The following SSH3 variants were observed in gnomAD, a reference collection of about 807,000 sequenced individuals.
SSH3 encodes the protein slingshot protein phosphatase 3, also known as protein phosphatase Slingshot homolog 3.
A neutral mutation model predicts 75.0 loss-of-function variants in SSH3; 67 were observed. The ratio of observed to expected loss-of-function variants is 0.89; its 90% CI spans 0.73 to 1.10. The LOEUF (loss-of-function observed/expected upper bound fraction) is 1.10. Among genes scored for constraint, SSH3 ranks in the 50% least tolerant of loss-of-function variants. SSH3 has a pLI of 0.00. For missense variants in SSH3, 824 were observed against 872.7 expected, an observed-to-expected ratio of 0.94 and a Z score of 0.70; for synonymous variants, 318 against 349.2, an observed-to-expected ratio of 0.91 and a Z score of 1.00.
In SSH3 at chr11:67,312,084, G is replaced by A; in HGVS notation, c.*197G>A. The A allele has an allele frequency of 1.4e-6, 1 of 720,868 alleles. No homozygotes were observed. The highest frequency in any genetic ancestry group is 2.0e-5 in the South Asian group (1 of 49,394). 44.7% of individuals were successfully genotyped at this position (720,868 alleles called of 1,614,324 possible). A position where few individuals can be genotyped will look rare whatever the true frequency, so the allele number is the denominator to read the frequency against. ...ACAGCCTCACCTCCTACAGCCTTAAGTCCCAGGCCCATGTCTGCCTGTCCA... is the reference window on the plus strand; with the variant it reads ...ACAGCCTCACCTCCTACAGCCTTAAATCCCAGGCCCATGTCTGCCTGTCCA... On this transcript the variant is annotated 3_prime_UTR_variant, in exon 14 of 14. Transcript: ENST00000308127.
rs1456795828 is a variant in SSH3, at chr11:67,307,856, C to T, written c.802C>T (p.Gln268Ter). The change falls in exon 8 of 14, where the codon CAG becomes TAG. Residue 268 changes from glutamine (Q) to a stop codon, truncating the protein, a stop_gained. Coordinates refer to ENST00000308127, the MANE Select transcript of SSH3 (RefSeq NM_017857.4). LOFTEE classifies it high-confidence loss of function. This position sits in a 1 kb window ranked among gnomAD's most constrained non-coding sequence, Gnocchi z 4.2. ...GGGCTCTGCTCCCAGGTCCTCAGAA[C>T]AGGAGCAGATGGAGCAGGCGATCCG... ...PSAEPGGSSE[Q>*]EQMEQAIRAE... is the part of the protein sequence containing the mutation. The T allele has an allele frequency of 1.9e-6, 3 of 1,614,096 alleles. No individual in the cohort carries two copies. The highest frequency in any genetic ancestry group is 1.7e-5 in the Admixed American group (1 of 60,010).
At position 67,304,793 on chromosome 11, in the gene SSH3, G is replaced by T. The variant is rs761247607; in HGVS notation, c.125G>T (p.Arg42Leu). 3.2e-5 allele frequency: 52 copies of T among 1,608,746 alleles called. No individual in the cohort carries two copies. Among genetic ancestry groups the T allele is most frequent in the Admixed American group, 1.9e-4 (11 of 58,890 alleles). Residue 42 changes from arginine to leucine, a missense_variant, in exon 3 of 14, where the codon CGT becomes CTT. Coordinates refer to ENST00000308127, the MANE Select transcript of SSH3 (RefSeq NM_017857.4). ...GCCAGGCAGAGCTTTGCGGTGCTCC[G>T]TGGGGCTGTCCTGGGACTGCAGGAT... ...LQRRQSFAVLRGAVLGLQDGG... is the reference protein window; with the variant it reads ...LQRRQSFAVLLGAVLGLQDGG...
intron 3 of SSH3, among the ~76,000 whole-genome samples, chr11:67,305,479 C>T (rs752231295): frequency 3.9e-5 from 6 of 152,300 alleles, no homozygotes; most frequent in South Asian, 2.1e-4. Context: ...TGAGCCACCG[C>T]GCCCGGCCTG....
At chr11:67,310,407 C>T in intron 13 of SSH3, 68 bp downstream of exon 13, 1 of 1,529,400 alleles carries the variant, frequency 6.5e-7, no homozygotes. Context: ...TGGGGAAAGA[C>T]CAGGATGGGC....
At position 67,310,354 on chromosome 11, in the gene SSH3, G is replaced by A. The variant is rs764448178; in HGVS notation, c.1683+15G>A. On this transcript the variant is annotated intron_variant, in intron 13 of 13. Transcript: ENST00000308127. ...ACATGCCAGAGGTGAGGCTGGGGCT[G>A]GGGGAGCTCAGCTTGCAGGGGTGGG... is the stretch of plus-strand genomic sequence containing the variant. 162 of 1,590,046 alleles carry A rather than the reference G, an allele frequency of 1.0e-4. No individual in the cohort carries two copies. The highest frequency in any genetic ancestry group is 2.6e-4 in the African/African-American group (19 of 74,170).
At position 67,308,159 on chromosome 11, in the gene SSH3, G is replaced by A. The variant is rs1391293832; in HGVS notation, c.886-15G>A. On this transcript the variant is annotated splice_polypyrimidine_tract_variant and intron_variant, in intron 8 of 13. Transcript: ENST00000308127. The surrounding 1 kb of genome is among the most constrained non-coding windows in gnomAD (Gnocchi z 4.9). Reference sequence around the variant, plus strand: ...GGAGAGCCCCAGCCTCTCTTGCCCTGGGCTCTGCCTGCAGATCCGCCAGGC... The same window carrying A: ...GGAGAGCCCCAGCCTCTCTTGCCCTAGGCTCTGCCTGCAGATCCGCCAGGC... 1.9e-6 allele frequency: 3 copies of A among 1,610,714 alleles called. No homozygotes were observed. The African/African-American group carries it at 4.0e-5, about 22-fold the overall frequency.
chr11:67,303,993 CTG>C, intron 1 of SSH3, 123 bp from the exon 2 acceptor site: 1 of 1,275,150 alleles, frequency 7.8e-7, no homozygotes, highest in Non-Finnish European at 1.1e-6. Flanking sequence ...GGGGCGTGGA[CTG>C]GGGTGGGAAG....
At chr11:67,305,066 T>A in intron 3 of SSH3, 59 bp downstream of exon 3, 1 of 1,504,412 alleles carries the variant, frequency 6.6e-7, no homozygotes, top group South Asian at 1.2e-5. Context: ...GAGGGCAGAA[T>A]GGAGCCCTGT....
rs34695471 is a variant in SSH3, at chr11:67,308,593, G to A, written c.1061+135G>A. Reference sequence around the variant, plus strand: ...TAGCTCTGCTTCTAACTCTGTCCTGGGGCTGTTGCCCTGGTGTGGGCTCCC... The same window carrying A: ...TAGCTCTGCTTCTAACTCTGTCCTGAGGCTGTTGCCCTGGTGTGGGCTCCC... On this transcript the variant is annotated intron_variant, in intron 10 of 13. Transcript: ENST00000308127. This position sits in a 1 kb window ranked among gnomAD's most constrained non-coding sequence, Gnocchi z 4.9. 68,371 of 1,316,620 alleles carry A rather than the reference G, an allele frequency of 0.052. 2,152 individuals are homozygous for A. Among genetic ancestry groups the A allele is most frequent in the Non-Finnish European group, 0.064 (61,580 of 958,476 alleles). 81.6% of individuals were successfully genotyped at this position (1,316,620 alleles called of 1,614,324 possible).
chr11:67,304,300 T>A, intron 2 of SSH3, 145 bp downstream of exon 2: 1 of 678,640 alleles, frequency 1.5e-6, no homozygotes, highest in Non-Finnish European at 2.4e-6. Flanking sequence ...GCGTTCCCGG[T>A]GGGGCCGGCT....
intron 1 of SSH3, 87 bp downstream of exon 1, chr11:67,303,778 A>C: frequency 4.5e-6 from 6 of 1,343,654 alleles, no homozygotes; most frequent in Non-Finnish European, 5.8e-6. Flanking sequence ...CTCCTCTCGA[A>C]CGGGGACATG....
chr11:67,308,774 C>T lies in SSH3; in HGVS notation c.1061+316C>T, dbSNP rs1273976882. Reference sequence around the variant, plus strand: ...TGCCTTGGACAAGCAGAAAAAGGCTCCTCTTGAATGCGCCTGTGGGCCCAG... The same window carrying T: ...TGCCTTGGACAAGCAGAAAAAGGCTTCTCTTGAATGCGCCTGTGGGCCCAG... On this transcript the variant is annotated intron_variant, in intron 10 of 13. Coordinates refer to ENST00000308127, the MANE Select transcript of SSH3 (RefSeq NM_017857.4). This position sits in a 1 kb window ranked among gnomAD's most constrained non-coding sequence, Gnocchi z 4.9. Among the ~76,000 whole-genome samples the T allele has an allele frequency of 6.6e-6, 1 of 151,954 alleles. No homozygotes were observed. Among genetic ancestry groups the T allele is most frequent in the African/African-American group, 2.4e-5 (1 of 41,356 alleles).
rs530019116 is a variant in SSH3, at chr11:67,303,540, C to T, written c.-86C>T. On this transcript the variant is annotated 5_prime_UTR_variant, in exon 1 of 14. Transcript: ENST00000308127. ...GGCCCGGGTGGCGCCGTCCGTCCTT[C>T]CTGGTCCTGCGGGTCCAGGACTGTC... is the stretch of plus-strand genomic sequence containing the variant. The T allele has an allele frequency of 1.0e-4, 140 of 1,379,526 alleles. 1 individual carries two copies. Among genetic ancestry groups the T allele is most frequent in the Middle Eastern group, 4.6e-4 (2 of 4,338 alleles). The allele number at this position is 1,379,526 out of a possible 1,614,324, so 85.5% of individuals were successfully genotyped here.
chr11:67,305,287 C>A (rs1328268247), intron 3 of SSH3, among the ~76,000 whole-genome samples: 3 of 152,012 alleles, frequency 2.0e-5, no homozygotes, highest in Admixed American at 2.0e-4. Flanking sequence ...CCCGGGTTCA[C>A]ACCATTCTCC....
chr11:67,311,922 A>C lies in SSH3; in HGVS notation c.*35A>C. The C allele has an allele frequency of 6.3e-7, 1 of 1,599,702 alleles. No homozygotes were observed. Among genetic ancestry groups the C allele is most frequent in the African/African-American group, 1.3e-5 (1 of 74,098 alleles). Reference sequence around the variant, plus strand: ...CATGCCCACGCTCCCCTGACACTGAAGAGGATCCACAACTCCTTGGAGAAA... The same window carrying C: ...CATGCCCACGCTCCCCTGACACTGACGAGGATCCACAACTCCTTGGAGAAA... On this transcript the variant is annotated 3_prime_UTR_variant, in exon 14 of 14. Transcript: ENST00000308127.
rs780187148 is a variant in SSH3, at chr11:67,308,280, G to T, written c.992G>T (p.Arg331Leu). ...GTGGCACAGCGGGACCGAGCCTCCC[G>T]CATCTTCCCCCACCTCTACCTGGTG... ...LLVAQRDRASRIFPHLYLGSE... is the reference protein window; with the variant it reads ...LLVAQRDRASLIFPHLYLGSE... The change falls in exon 9 of 14, where the codon CGC (arginine) becomes CTC (leucine). Residue 331 changes from arginine (R) to leucine (L), a missense_variant. Physicochemically the swap from Arg to Leu is moderately radical, Grantham distance 102 (BLOSUM62 -2). Transcript: ENST00000308127. This position sits in a 1 kb window ranked among gnomAD's most constrained non-coding sequence, Gnocchi z 4.9. 3.1e-5 allele frequency: 50 copies of T among 1,614,012 alleles called. No homozygotes were observed. Among genetic ancestry groups the T allele is most frequent in the Non-Finnish European group, 4.2e-5 (50 of 1,180,034 alleles).
Position 67,309,983 on chromosome 11 carries a change from C to A in SSH3, c.1409+15C>A. ...CTGACGGCCAGGTATGGGATGGGAG[C>A]GAGTGGCAGGGGGTGAGTAGGTGGG... is the stretch of plus-strand genomic sequence containing the variant. On this transcript the variant is annotated intron_variant, in intron 12 of 13. Coordinates refer to ENST00000308127, the MANE Select transcript of SSH3 (RefSeq NM_017857.4). The A allele has an allele frequency of 1.2e-6, 2 of 1,610,220 alleles. No homozygotes were observed. Among genetic ancestry groups the A allele is most frequent in the Non-Finnish European group, 1.7e-6 (2 of 1,179,796 alleles).
rs766959116 is a variant in SSH3 at position 67,309,533 on chromosome 11, G to A, written c.1198G>A (p.Glu400Lys). The A allele has an allele frequency of 1.2e-6, 2 of 1,613,714 alleles. No individual in the cohort carries two copies. The highest frequency in any genetic ancestry group is 1.1e-5 in the South Asian group (1 of 91,088). The change falls in exon 11 of 14, where the codon GAG (glutamate) becomes AAG (lysine). Residue 400 changes from glutamate (E) to lysine (K), a missense_variant. By Grantham distance (56) the Glu-to-Lys change is moderately conservative. Transcript: ENST00000308127. ...PHWKETHRFIEAARAQGTHVL... is the reference protein window; with the variant it reads ...PHWKETHRFIKAARAQGTHVL... Reference sequence around the variant, plus strand: ...CTGGAAGGAGACGCACCGCTTCATTGAGGCTGCAAGGTCGGTCTCCTGGCT... The same window carrying A: ...CTGGAAGGAGACGCACCGCTTCATTAAGGCTGCAAGGTCGGTCTCCTGGCT...
chr11:67,309,526 C>A lies in SSH3; in HGVS notation c.1191C>A (p.Arg397=). ...QLLPHWKETH[R]FIEAARAQGT... ...TGCCGCACTGGAAGGAGACGCACCG[C>A]TTCATTGAGGCTGCAAGGTCGGTCT... Residue 397 remains arginine (R), a synonymous_variant, in exon 11 of 14, where the codon CGC becomes CGA. Transcript: ENST00000308127. 6.2e-7 allele frequency: 1 copy of A among 1,613,886 alleles called. No individual in the cohort carries two copies. The highest frequency in any genetic ancestry group is 2.2e-5 in the East Asian group (1 of 44,890).
Sources: gnomAD v4.1 joint callset for allele counts (sites outside exome capture counted in the v4.1 genomes callset) on GRCh38, gnomAD v4.1.1 for gene constraint, Gnocchi (gnomAD v3.1) non-coding constraint, MANE v1.5 for transcripts, NCBI Gene and HGNC (gene_info 2026-07-23, HGNC 2026-07-21) for gene names.